PDE8B: variants seen among roughly 807,000 people sequenced by gnomAD.
The protein encoded by PDE8B is high affinity cAMP-specific and IBMX-insensitive 3',5'-cyclic phosphodiesterase 8B.
A neutral mutation model predicts 101.3 loss-of-function variants in PDE8B; 26 were observed. That is an observed-to-expected ratio of 0.26 (90% CI 0.19 to 0.36). PDE8B has a LOEUF of 0.36. Ranked by LOEUF, PDE8B falls within the 10% of genes least tolerant of loss-of-function variation. The pLI is 1.00. For missense variants in PDE8B, 810 were observed against 1,163.1 expected (o/e 0.70, Z 4.42); for synonymous variants, 424 against 429.3 (o/e 0.99, Z 0.15).
chr5:77,175,630 T>C, the PDE8B span, among the ~76,000 whole-genome samples: 1 of 152,222 alleles, frequency 6.6e-6, no homozygotes, highest in Non-Finnish European at 1.5e-5. Flanking sequence ...GTTAATTGTC[T>C]CTCTTCCTCC....
intron 10 of PDE8B, among the ~76,000 whole-genome samples, chr5:77,369,203 CAAAAAAAAA>C (rs70988667): frequency 2.5e-5 from 2 of 79,034 alleles, no homozygotes; most frequent in Admixed American, 3.3e-4. Flanking sequence ...TCCACTGTCT[CAAAAAAAAA>C]AAAAAAAAAA....
intron 20 of PDE8B, among the ~76,000 whole-genome samples, chr5:77,422,204 G>C (rs1285439342): frequency 1.2e-4 from 18 of 152,176 alleles, no homozygotes; most frequent in Admixed American, 1.2e-3. Context: ...TTGAGAAGGG[G>C]GATAAACTGA....
At chr5:77,393,317 C>G (rs1790336060) in intron 10 of PDE8B, among the ~76,000 whole-genome samples, 1 of 151,754 alleles carries the variant, frequency 6.6e-6, no homozygotes, top group African/African-American at 2.4e-5. Flanking sequence ...TAGTTTGGAC[C>G]CGGGAGGCAG....
the PDE8B span, among the ~76,000 whole-genome samples, chr5:77,197,362 C>T: frequency 6.6e-6 from 1 of 151,940 alleles, no homozygotes; most frequent in African/African-American, 2.4e-5. Flanking sequence ...AGTGATCCAC[C>T]CACCTTGGCC....
chr5:77,426,567 G>A lies in PDE8B; in HGVS notation c.*13G>A, dbSNP rs1171908976. On this transcript the variant is annotated 3_prime_UTR_variant, in exon 22 of 22. Coordinates refer to ENST00000264917, the MANE Select transcript of PDE8B (RefSeq NM_003719.5). Reference sequence around the variant, plus strand: ...ATCTGACAGCTAAAGCCAAGCCACAGAGGGGGCCTCTTGACCGACAAAGGA... The same window carrying A: ...ATCTGACAGCTAAAGCCAAGCCACAAAGGGGGCCTCTTGACCGACAAAGGA... 7.0e-7 allele frequency: 1 copy of A among 1,425,286 alleles called. No individual in the cohort carries two copies. Among genetic ancestry groups the A allele is most frequent in the Non-Finnish European group, 9.9e-7 (1 of 1,008,260 alleles). 88.3% of individuals were successfully genotyped at this position (1,425,286 alleles called of 1,614,324 possible).
Position 77,337,274 on chromosome 5 carries a change from T to A in PDE8B, c.756T>A (p.Ile252=), listed in dbSNP as rs771357345. 6.2e-7 allele frequency: 1 copy of A among 1,601,044 alleles called. No individual in the cohort carries two copies. The highest frequency in any genetic ancestry group is 8.5e-7 in the Non-Finnish European group (1 of 1,169,884). ...SSIIACYNEL[I]QIEHGEVRSQ... is the part of the protein sequence containing the mutation. Reference sequence around the variant, plus strand: ...TAATTGCTTGCTATAATGAACTGATTCAAATAGAACATGGGGAAGTTCGCT... The same window carrying A: ...TAATTGCTTGCTATAATGAACTGATACAAATAGAACATGGGGAAGTTCGCT... The change falls in exon 6 of 22, where the codon ATT becomes ATA. Residue 252 remains isoleucine (I), a synonymous_variant. Transcript: ENST00000264917.
At chr5:77,280,266 T>C (rs902393008) in intron 1 of PDE8B, among the ~76,000 whole-genome samples, 1 of 152,152 alleles carries the variant, frequency 6.6e-6, no homozygotes, top group Non-Finnish European at 1.5e-5. Context: ...CCCTTCTGTC[T>C]TCAGGCAGTC....
chr5:77,317,648 A>G (rs1774051429), intron 2 of PDE8B, among the ~76,000 whole-genome samples: 1 of 152,214 alleles, frequency 6.6e-6, no homozygotes, highest in Admixed American at 6.5e-5. Flanking sequence ...CAGAGATTCA[A>G]ATCAACATGA....
chr5:77,226,987 T>C (rs1752529635), intron 1 of PDE8B, among the ~76,000 whole-genome samples: 1 of 152,168 alleles, frequency 6.6e-6, no homozygotes, highest in South Asian at 2.1e-4. Flanking sequence ...TACATTAAAG[T>C]CCTATGCGTT....
At chr5:77,213,635 A>G (rs1748993994) in intron 1 of PDE8B, among the ~76,000 whole-genome samples, 1 of 152,166 alleles carries the variant, frequency 6.6e-6, no homozygotes, top group Non-Finnish European at 1.5e-5. Context: ...ACCCCTTTCC[A>G]AAGCACACAG....
intron 10 of PDE8B, among the ~76,000 whole-genome samples, chr5:77,372,268 C>T (rs1785208294): frequency 3.9e-5 from 6 of 152,070 alleles, no homozygotes; most frequent in Admixed American, 3.9e-4. Flanking sequence ...TGTGAACTTG[C>T]TTGATGGATT....
chr5:77,295,937 G>A (rs946250444), intron 1 of PDE8B, among the ~76,000 whole-genome samples: 26 of 152,178 alleles, frequency 1.7e-4, no homozygotes, highest in African/African-American at 6.0e-4. Context: ...TTGATAAACA[G>A]TGAGAATATT....
chr5:77,418,616 T>C (rs1796030155), intron 18 of PDE8B, among the ~76,000 whole-genome samples, 170 bp downstream of exon 18: 1 of 152,246 alleles, frequency 6.6e-6, no homozygotes, highest in African/African-American at 2.4e-5. Context: ...CTTTATGTTT[T>C]GAAATCTCAT....
chr5:77,171,745 G>A, the PDE8B span, among the ~76,000 whole-genome samples: 5 of 152,290 alleles, frequency 3.3e-5, no homozygotes, highest in East Asian at 7.7e-4. Flanking sequence ...TAGGCAGGTG[G>A]TAATGGGGCA....
chr5:77,149,052 A>G, the PDE8B span, among the ~76,000 whole-genome samples: 1 of 152,188 alleles, frequency 6.6e-6, no homozygotes, highest in African/African-American at 2.4e-5. Flanking sequence ...ATATGATGTG[A>G]GAGAAGGGCC....
At chr5:77,238,584 A>G (rs1311819521) in intron 1 of PDE8B, among the ~76,000 whole-genome samples, 1 of 152,184 alleles carries the variant, frequency 6.6e-6, no homozygotes, top group African/African-American at 2.4e-5. Flanking sequence ...AGGGCTCTTC[A>G]TAGAAACAGA....
At chr5:77,407,577 A>T (rs887857607) in intron 13 of PDE8B, 120 bp downstream of exon 13, 9 of 754,056 alleles carry the variant, frequency 1.2e-5, no homozygotes, top group African/African-American at 1.7e-5. Context: ...AATAACAGGC[A>T]AATAAACACA....
intron 5 of PDE8B, among the ~76,000 whole-genome samples, chr5:77,333,505 C>T (rs935154964): frequency 6.6e-6 from 1 of 152,184 alleles, no homozygotes; most frequent in Non-Finnish European, 1.5e-5. Flanking sequence ...AGATTTTCCT[C>T]ATTACCTAGG....
At chr5:77,171,801 G>A in the PDE8B span, among the ~76,000 whole-genome samples, 3 of 152,148 alleles carry the variant, frequency 2.0e-5, no homozygotes, top group Non-Finnish European at 4.4e-5. Flanking sequence ...CTGGGTTGCC[G>A]CGGAGGGATG....
Sources: gnomAD v4.1 joint callset for allele counts (sites outside exome capture counted in the v4.1 genomes callset) on GRCh38, gnomAD v4.1.1 for gene constraint, MANE v1.5 for transcripts, NCBI Gene and HGNC (gene_info 2026-07-23, HGNC 2026-07-21) for gene names.